PCDHA10: variants seen among roughly 807,000 people sequenced by gnomAD.
PCDHA10 encodes the protein protocadherin alpha 10.
Under a neutral mutation model 61.2 loss-of-function variants are expected in PCDHA10, and 45 were observed. That is an observed-to-expected ratio of 0.74 (90% confidence interval 0.58 to 0.94). The LOEUF is 0.94. Ranked by LOEUF, PCDHA10 falls within the 40% of genes least tolerant of loss-of-function variation. PCDHA10 has a pLI of 0.00. For synonymous variants in PCDHA10, 602 were observed against 548.8 expected (o/e 1.10, Z -1.35); for missense variants, 1,278 against 1,236.2 (o/e 1.03, Z -0.51).
At chr5:140,884,622 GAAC>G (rs1562808706) in intron 1 of PCDHA10, 7 of 1,613,830 alleles carry the variant, frequency 4.3e-6, no homozygotes, top group Non-Finnish European at 5.9e-6. Flanking sequence ...TCTGCAGAGG[GAAC>G]AGGCCAGAGG....
chr5:140,951,196 T>A (rs1438872650), intron 1 of PCDHA10, among the ~76,000 whole-genome samples: 1 of 152,190 alleles, frequency 6.6e-6, no homozygotes, highest in African/African-American at 2.4e-5. Context: ...AATTCCCACA[T>A]CTGTGTCATC....
At chr5:140,979,571 G>A (rs2096856939) in intron 2 of PCDHA10, among the ~76,000 whole-genome samples, 1 of 152,154 alleles carries the variant, frequency 6.6e-6, no homozygotes. Flanking sequence ...GCCATGTAAA[G>A]GGCTCCAAAT....
At chr5:140,966,914 G>A in intron 1 of PCDHA10, 1 of 1,602,270 alleles carries the variant, frequency 6.2e-7, no homozygotes, top group Non-Finnish European at 8.5e-7. Context: ...CTCTGTGCCA[G>A]AGGAGCAGGC....
intron 1 of PCDHA10, among the ~76,000 whole-genome samples, chr5:140,903,300 T>C (rs1368072567): frequency 6.6e-6 from 1 of 152,184 alleles, no homozygotes; most frequent in Non-Finnish European, 1.5e-5. Context: ...GGAAATTTAG[T>C]ATACAATAAA....
At chr5:140,969,120 G>T (rs1333559202) in intron 1 of PCDHA10, 1 of 1,613,970 alleles carries the variant, frequency 6.2e-7, no homozygotes, top group Non-Finnish European at 8.5e-7. Flanking sequence ...CGAGGGAATG[G>T]CTCCCTCACC....
intron 1 of PCDHA10, among the ~76,000 whole-genome samples, chr5:140,894,100 G>C (rs1554185932): frequency 2.0e-5 from 3 of 151,990 alleles, no homozygotes; most frequent in African/African-American, 7.3e-5. Context: ...CTAGCTCCTG[G>C]TGTTGCAGAT....
intron 3 of PCDHA10, among the ~76,000 whole-genome samples, chr5:140,994,916 G>C (rs191112964): frequency 2.0e-5 from 3 of 152,332 alleles, no homozygotes; most frequent in Admixed American, 1.3e-4. Context: ...ACTGGAATCA[G>C]ATTTTGTAGG....
chr5:140,902,203 CTTTTTTT>C (rs148688132), intron 1 of PCDHA10, among the ~76,000 whole-genome samples: 3 of 124,458 alleles, frequency 2.4e-5, no homozygotes, highest in African/African-American at 3.1e-5. Flanking sequence ...CTCTCTCTTT[CTTTTTTT>C]TTTTTTTTTT....
intron 3 of PCDHA10, among the ~76,000 whole-genome samples, chr5:141,003,504 G>A (rs1336599901): frequency 9.2e-5 from 14 of 152,020 alleles, no homozygotes; most frequent in African/African-American, 3.4e-4. Context: ...GTAGAGATGG[G>A]GTTTCACCAT....
chr5:140,958,015 C>A (rs573406509), intron 1 of PCDHA10, among the ~76,000 whole-genome samples: 1 of 151,796 alleles, frequency 6.6e-6, no homozygotes, highest in Non-Finnish European at 1.5e-5. Context: ...TTCTATCAGC[C>A]AAGTATACTA....
chr5:140,869,221 A>G, intron 1 of PCDHA10: 1 of 1,613,848 alleles, frequency 6.2e-7, no homozygotes, highest in South Asian at 1.1e-5. Flanking sequence ...GGAGGAGGCC[A>G]AACACGGCAC....
At chr5:140,989,947 T>G (rs2097368215) in intron 3 of PCDHA10, among the ~76,000 whole-genome samples, 1 of 152,062 alleles carries the variant, frequency 6.6e-6, no homozygotes, top group Non-Finnish European at 1.5e-5. Context: ...CACGTTTTTC[T>G]CGGTGAGACC....
chr5:140,993,783 T>C (rs1402072576), intron 3 of PCDHA10, among the ~76,000 whole-genome samples: 2 of 152,230 alleles, frequency 1.3e-5, no homozygotes, highest in East Asian at 3.9e-4. Flanking sequence ...TTTTGTACAG[T>C]AACATGCTGT....
intron 1 of PCDHA10, chr5:140,968,110 G>A: frequency 1.2e-6 from 2 of 1,614,172 alleles, no homozygotes; most frequent in Non-Finnish European, 1.7e-6. Context: ...GAATACCGCA[G>A]CTCACATCCC....
intron 1 of PCDHA10, among the ~76,000 whole-genome samples, chr5:140,955,604 C>T (rs1431862665): frequency 7.2e-5 from 11 of 152,060 alleles, no homozygotes; most frequent in Non-Finnish European, 1.5e-4. Context: ...TATAAATTAC[C>T]CAGTCTCAGG....
At chr5:140,974,894 A>C (rs1554236433) in intron 1 of PCDHA10, among the ~76,000 whole-genome samples, 2 of 152,184 alleles carry the variant, frequency 1.3e-5, no homozygotes, top group Admixed American at 6.5e-5. Context: ...TTTTCTGATG[A>C]TTTGTAACAA....
intron 1 of PCDHA10, among the ~76,000 whole-genome samples, chr5:140,931,261 A>G (rs1455233876): frequency 6.6e-6 from 1 of 152,152 alleles, no homozygotes; most frequent in African/African-American, 2.4e-5. Flanking sequence ...AAATTTCACT[A>G]TTTATTTCTT....
At chr5:140,924,028 G>A (rs908427261) in intron 1 of PCDHA10, among the ~76,000 whole-genome samples, 2 of 152,158 alleles carry the variant, frequency 1.3e-5, no homozygotes, top group South Asian at 4.1e-4. Context: ...TGGAGGCATG[G>A]CTGCAGACCT....
intron 1 of PCDHA10, chr5:140,867,238 T>C (rs2049839993): frequency 1.3e-5 from 2 of 152,118 alleles, no homozygotes; most frequent in African/African-American, 4.8e-5. Context: ...AATAAGGTGA[T>C]TGAGGATCTG....
Sources: allele counts gnomAD v4.1 joint callset (sites outside exome capture counted in the v4.1 genomes callset), GRCh38; gene constraint gnomAD v4.1.1; transcripts MANE v1.5; gene names NCBI Gene and HGNC (gene_info 2026-07-23, HGNC 2026-07-21).